The following GALNT13 variants were observed in gnomAD, a reference collection of about 807,000 sequenced individuals.
The protein encoded by GALNT13 is polypeptide N-acetylgalactosaminyltransferase 13.
A neutral mutation model predicts 64.2 loss-of-function variants in GALNT13; 28 were observed. That is an observed-to-expected ratio of 0.44 (90% CI 0.32 to 0.60). The LOEUF (loss-of-function observed/expected upper bound fraction) is 0.60, where lower values mean the gene tolerates loss of function less well. GALNT13 is among the 20% of genes least tolerant of loss of function. The probability of loss-of-function intolerance (pLI) is 0.05; values close to 1 mark genes in which losing one functional copy is unlikely to be tolerated. For missense variants in GALNT13, 577 were observed against 669.8 expected (o/e 0.86, Z 1.53); for synonymous variants, 214 against 224.6 (o/e 0.95, Z 0.42).
intron 2 of GALNT13, among the ~76,000 whole-genome samples, chr2:153,915,127 C>T (rs1689241557): frequency 6.6e-6 from 1 of 152,114 alleles, no homozygotes; most frequent in South Asian, 2.1e-4. Context: ...AGATTCTGGG[C>T]ACAAGAAAGT....
intron 4 of GALNT13, among the ~76,000 whole-genome samples, chr2:154,212,886 T>C (rs1156581667): frequency 6.6e-6 from 1 of 152,084 alleles, no homozygotes; most frequent in Non-Finnish European, 1.5e-5. Flanking sequence ...ACACATTTTA[T>C]TAATCTCAAT....
chr2:153,226,955 A>ATGG, the GALNT13 span, among the ~76,000 whole-genome samples: 1 of 152,220 alleles, frequency 6.6e-6, no homozygotes, highest in African/African-American at 2.4e-5. Context: ...TAGCCACTTC[A>ATGG]TCCTCTAAAA....
chr2:153,781,608 C>A, the GALNT13 span, among the ~76,000 whole-genome samples: 2 of 151,796 alleles, frequency 1.3e-5, no homozygotes, highest in South Asian at 4.2e-4. Context: ...TTTGTGTGTA[C>A]ATATACACAA....
chr2:153,809,063 T>G, the GALNT13 span, among the ~76,000 whole-genome samples: 1 of 152,190 alleles, frequency 6.6e-6, no homozygotes, highest in South Asian at 2.1e-4. Flanking sequence ...TAAATTGACT[T>G]GCTTTGTCAT....
the GALNT13 span, among the ~76,000 whole-genome samples, chr2:153,726,320 T>C: frequency 6.6e-6 from 1 of 152,176 alleles, no homozygotes; most frequent in African/African-American, 2.4e-5. Flanking sequence ...CTCATAGATG[T>C]GACTCGTGTC....
At chr2:154,290,360 G>A (rs1183966949) in intron 8 of GALNT13, among the ~76,000 whole-genome samples, 3 of 152,202 alleles carry the variant, frequency 2.0e-5, no homozygotes, top group African/African-American at 7.2e-5. Context: ...AGCCAAGGAA[G>A]GAAGCAAGGG....
chr2:153,691,909 TA>T, the GALNT13 span, among the ~76,000 whole-genome samples: 4 of 152,048 alleles, frequency 2.6e-5, no homozygotes, highest in South Asian at 4.1e-4. Flanking sequence ...CTGATATTCT[TA>T]AAAAAACATG....
chr2:153,119,256 C>A, the GALNT13 span, among the ~76,000 whole-genome samples: 1 of 152,024 alleles, frequency 6.6e-6, no homozygotes, highest in East Asian at 1.9e-4. Flanking sequence ...TAGGAAGCAT[C>A]TGAGCTCTTT....
At chr2:154,419,712 G>A (rs1700169981) in intron 11 of GALNT13, among the ~76,000 whole-genome samples, 1 of 152,004 alleles carries the variant, frequency 6.6e-6, no homozygotes, top group Non-Finnish European at 1.5e-5. Context: ...GATATTCCTG[G>A]TGTTAAAATC....
chr2:153,209,277 G>A, the GALNT13 span, among the ~76,000 whole-genome samples: 93 of 152,208 alleles, frequency 6.1e-4, 2 homozygotes, highest in South Asian at 0.018. Context: ...ACCATGCCTG[G>A]CTGGGTTTTG....
chr2:153,150,402 A>G, the GALNT13 span, among the ~76,000 whole-genome samples: 1 of 151,948 alleles, frequency 6.6e-6, no homozygotes, highest in Non-Finnish European at 1.5e-5. Context: ...GATTGCAACA[A>G]TTTTCTCCCA....
At chr2:154,009,185 A>C in intron 3 of GALNT13, among the ~76,000 whole-genome samples, 1 of 116,158 alleles carries the variant, frequency 8.6e-6, no homozygotes, top group East Asian at 2.7e-4. Flanking sequence ...TTTTCTTTTC[A>C]ATTTGTAAAG....
chr2:153,363,290 C>T, the GALNT13 span, among the ~76,000 whole-genome samples: 1 of 151,956 alleles, frequency 6.6e-6, no homozygotes, highest in Non-Finnish European at 1.5e-5. Context: ...CTAGAAATAT[C>T]GCAAATTGAC....
Position 154,266,032 on chromosome 2 carries a change from A to G in GALNT13, c.975+6894A>G, listed in dbSNP as rs373056155. Among the ~76,000 whole-genome samples the G allele has an allele frequency of 7.4e-4, 112 of 152,324 alleles. 1 individual carries two copies. The highest frequency in any genetic ancestry group is 2.2e-3 in the African/African-American group (90 of 41,586). On this transcript the variant is annotated intron_variant, in intron 8 of 12. Coordinates refer to ENST00000392825, the MANE Select transcript of GALNT13 (RefSeq NM_052917.4). ...ATTGATTGGTCATCTGAATAGAGTC[A>G]AGAAAAGTATATAACAAACTCAGTC...
chr2:154,140,219 A>G (rs1683180649), intron 3 of GALNT13, 118 bp from the exon 4 acceptor site: 2 of 689,782 alleles, frequency 2.9e-6, no homozygotes, highest in Non-Finnish European at 4.7e-6. Flanking sequence ...TGATCATTAT[A>G]TTATAAAACC....
At chr2:154,030,867 G>A (rs567338510) in intron 3 of GALNT13, among the ~76,000 whole-genome samples, 1 of 152,036 alleles carries the variant, frequency 6.6e-6, no homozygotes, top group Admixed American at 6.6e-5. Flanking sequence ...TCAAGCCTGT[G>A]GAACTGTGTG....
intron 9 of GALNT13, among the ~76,000 whole-genome samples, chr2:154,358,627 AT>A (rs776156629): frequency 6.6e-6 from 1 of 151,688 alleles, no homozygotes; most frequent in African/African-American, 2.4e-5. Flanking sequence ...TGCTTTTTTG[AT>A]TTTTTTTCTT....
At chr2:154,342,728 G>A (rs1287318503) in intron 9 of GALNT13, among the ~76,000 whole-genome samples, 3 of 151,736 alleles carry the variant, frequency 2.0e-5, no homozygotes, top group Non-Finnish European at 2.9e-5. Flanking sequence ...TTTGCTCTCC[G>A]GCCCTTTACA....
intron 4 of GALNT13, among the ~76,000 whole-genome samples, chr2:154,232,211 T>G (rs184370581): frequency 6.6e-6 from 1 of 152,218 alleles, no homozygotes; most frequent in East Asian, 1.9e-4. Flanking sequence ...TCATTCAACC[T>G]CTTATTAAAT....
Sources: allele counts gnomAD v4.1 joint callset (sites outside exome capture counted in the v4.1 genomes callset), GRCh38; gene constraint gnomAD v4.1.1; transcripts MANE v1.5; gene names NCBI Gene and HGNC (gene_info 2026-07-23, HGNC 2026-07-21).